HEMK2: variants seen among roughly 807,000 people sequenced by gnomAD.
HEMK2 encodes HemK methyltransferase 2, ETF1 glutamine and histone H4 lysine.
the HEMK2 span, among the ~76,000 whole-genome samples, chr21:28,881,625 A>AT: frequency 0.065 from 6,526 of 100,618 alleles, 219 homozygotes; most frequent in Non-Finnish European, 0.083. Flanking sequence ...GAAGCCATCA[A>AT]TTTTTTTTTT....
the HEMK2 span, among the ~76,000 whole-genome samples, chr21:28,818,932 T>G: frequency 3.3e-5 from 5 of 152,238 alleles, no homozygotes; most frequent in Non-Finnish European, 7.3e-5. Context: ...TTCTGGCTAA[T>G]GTAAAAGTTG....
the HEMK2 span, among the ~76,000 whole-genome samples, chr21:28,857,521 A>G: frequency 6.6e-6 from 1 of 152,140 alleles, no homozygotes; most frequent in African/African-American, 2.4e-5. Flanking sequence ...CTCTCATGAT[A>G]GTTTTATTTT....
At chr21:28,859,013 A>G in the HEMK2 span, among the ~76,000 whole-genome samples, 1 of 152,228 alleles carries the variant, frequency 6.6e-6, no homozygotes, top group African/African-American at 2.4e-5. Flanking sequence ...ACTATCAGCC[A>G]GCTTTCAGTA....
At chr21:28,687,055 A>G in the HEMK2 span, among the ~76,000 whole-genome samples, 194 of 152,346 alleles carry the variant, frequency 1.3e-3, 1 homozygote, top group African/African-American at 4.4e-3. Context: ...AAAGGATATA[A>G]TAAAGGGCAT....
At chr21:28,664,767 G>C in the HEMK2 span, among the ~76,000 whole-genome samples, 5 of 152,000 alleles carry the variant, frequency 3.3e-5, no homozygotes, top group African/African-American at 9.7e-5. Flanking sequence ...TGCTCAGAAA[G>C]GAAAATAAAT....
At chr21:28,798,314 T>C in the HEMK2 span, among the ~76,000 whole-genome samples, 1 of 152,172 alleles carries the variant, frequency 6.6e-6, no homozygotes, top group Non-Finnish European at 1.5e-5. Flanking sequence ...TTTGCAGACA[T>C]ACTTTTTTCG....
the HEMK2 span, among the ~76,000 whole-genome samples, chr21:28,713,240 T>C: frequency 6.6e-6 from 1 of 152,144 alleles, no homozygotes; most frequent in Non-Finnish European, 1.5e-5. Flanking sequence ...CTTTTCTCCA[T>C]TGCTCATGCC....
the HEMK2 span, among the ~76,000 whole-genome samples, chr21:28,576,295 C>A: frequency 1.3e-5 from 2 of 152,256 alleles, no homozygotes; most frequent in Middle Eastern, 3.4e-3. Flanking sequence ...TAAGTGCTAT[C>A]TCATTGCAGT....
the HEMK2 span, among the ~76,000 whole-genome samples, chr21:28,613,101 T>C: frequency 1.5e-5 from 2 of 129,962 alleles, no homozygotes; most frequent in Non-Finnish European, 3.3e-5. Context: ...GATAGAAAGA[T>C]AGATAGATAG....
chr21:28,781,175 A>T, the HEMK2 span, among the ~76,000 whole-genome samples: 1 of 152,156 alleles, frequency 6.6e-6, no homozygotes, highest in Non-Finnish European at 1.5e-5. Context: ...GAAAGAGGCA[A>T]CTCATAAAAT....
chr21:28,680,425 A>C, the HEMK2 span, among the ~76,000 whole-genome samples: 2 of 152,234 alleles, frequency 1.3e-5, no homozygotes, highest in Non-Finnish European at 2.9e-5. Context: ...TACCAACCAA[A>C]AAAAGTCCAG....
At chr21:28,651,434 T>C in the HEMK2 span, among the ~76,000 whole-genome samples, 2 of 152,202 alleles carry the variant, frequency 1.3e-5, no homozygotes, top group East Asian at 1.9e-4. Flanking sequence ...TGGTAGTTTA[T>C]CAAAAAGAGG....
At chr21:28,863,834 T>C in the HEMK2 span, among the ~76,000 whole-genome samples, 3 of 152,088 alleles carry the variant, frequency 2.0e-5, no homozygotes, top group African/African-American at 7.2e-5. Flanking sequence ...TTCTATAATT[T>C]ATTTATTTTT....
At chr21:28,669,051 C>A in the HEMK2 span, among the ~76,000 whole-genome samples, 5 of 152,136 alleles carry the variant, frequency 3.3e-5, no homozygotes, top group Non-Finnish European at 7.4e-5. Flanking sequence ...ACAACATTCC[C>A]ACTTGTAGAA....
chr21:28,787,193 A>C, the HEMK2 span, among the ~76,000 whole-genome samples: 1 of 152,250 alleles, frequency 6.6e-6, no homozygotes, highest in Admixed American at 6.5e-5. Context: ...CTCATCTCTC[A>C]CCTTACACAA....
At chr21:28,658,745 C>CA in the HEMK2 span, among the ~76,000 whole-genome samples, 2 of 152,042 alleles carry the variant, frequency 1.3e-5, no homozygotes, top group African/African-American at 4.8e-5. Flanking sequence ...TCATGACTGA[C>CA]AAAAAACCTC....
the HEMK2 span, among the ~76,000 whole-genome samples, chr21:28,638,773 G>A: frequency 2.6e-5 from 4 of 152,044 alleles, no homozygotes; most frequent in South Asian, 2.1e-4. Context: ...GCTGTCTGCC[G>A]GAGCTCCTTG....
At chr21:28,588,907 C>T in the HEMK2 span, among the ~76,000 whole-genome samples, 1 of 149,328 alleles carries the variant, frequency 6.7e-6, no homozygotes, top group Non-Finnish European at 1.5e-5. Context: ...GGCATGAACC[C>T]AGGAGGCAGA....
At chr21:28,692,992 A>G in the HEMK2 span, among the ~76,000 whole-genome samples, 1 of 152,216 alleles carries the variant, frequency 6.6e-6, no homozygotes, top group African/African-American at 2.4e-5. Context: ...CAGCAGCTGG[A>G]GGAGGGGGAG....
Sources: allele counts gnomAD v4.1 joint callset (sites outside exome capture counted in the v4.1 genomes callset), GRCh38; gene constraint gnomAD v4.1.1; transcripts MANE v1.5; gene names NCBI Gene and HGNC (gene_info 2026-07-23, HGNC 2026-07-21).